Variants in SLC36A1 observed in about 807,000 individuals in gnomAD.
SLC36A1 encodes the protein solute carrier family 36 member 1.
Under a neutral mutation model 47.5 loss-of-function variants are expected in SLC36A1, and 30 were observed. That is an observed-to-expected ratio of 0.63 (90% CI 0.47 to 0.86). The LOEUF is 0.86. Ranked by LOEUF, SLC36A1 falls within the 40% of genes least tolerant of loss-of-function variation. The pLI is 0.00. For synonymous variants in SLC36A1, 255 were observed against 249.7 expected (o/e 1.02, Z -0.20); for missense variants, 517 against 606.0 (o/e 0.85, Z 1.54).
chr5:151,544,488 C>T, the SLC36A1 span: 1 of 1,614,002 alleles, frequency 6.2e-7, no homozygotes, highest in South Asian at 1.1e-5. Context: ...TGAACAGCAT[C>T]AAGGGTTCTT....
At chr5:151,535,158 A>G in the SLC36A1 span, among the ~76,000 whole-genome samples, 2 of 151,718 alleles carry the variant, frequency 1.3e-5, no homozygotes, top group Non-Finnish European at 2.9e-5. Context: ...GTAAAACACC[A>G]TGTGTGGTGT....
At chr5:151,546,076 G>A in the SLC36A1 span, 2 of 1,614,180 alleles carry the variant, frequency 1.2e-6, no homozygotes, top group Admixed American at 1.7e-5. Flanking sequence ...GGGGCTCATA[G>A]CAGAGACAAG....
chr5:151,452,095 C>G (rs531259151), intron 1 of SLC36A1, among the ~76,000 whole-genome samples: 1 of 152,120 alleles, frequency 6.6e-6, no homozygotes, highest in Non-Finnish European at 1.5e-5. Context: ...TAAAAGTGTG[C>G]GTGTTTGCCT....
the SLC36A1 span, chr5:151,537,798 T>C: frequency 1.9e-6 from 3 of 1,610,192 alleles, no homozygotes; most frequent in South Asian, 1.1e-5. Context: ...CCCACCTGTA[T>C]GAGGATCCAG....
At chr5:151,402,163 C>G in the SLC36A1 span, among the ~76,000 whole-genome samples, 1 of 152,136 alleles carries the variant, frequency 6.6e-6, no homozygotes, top group South Asian at 2.1e-4. Context: ...CATATTCCTC[C>G]GATGCCTAGT....
At chr5:151,412,266 TA>T in the SLC36A1 span, among the ~76,000 whole-genome samples, 1 of 144,856 alleles carries the variant, frequency 6.9e-6, no homozygotes, top group Middle Eastern at 3.3e-3. Flanking sequence ...AAATATTTCC[TA>T]TATAAACATG....
the SLC36A1 span, among the ~76,000 whole-genome samples, chr5:151,379,306 T>G: frequency 6.6e-6 from 1 of 152,218 alleles, no homozygotes. Flanking sequence ...TTTTCCTACT[T>G]TAATTGAAAT....
the SLC36A1 span, among the ~76,000 whole-genome samples, chr5:151,533,430 AC>A: frequency 6.8e-6 from 1 of 147,122 alleles, no homozygotes; most frequent in Non-Finnish European, 1.5e-5. Flanking sequence ...ACACACACAC[AC>A]ACACACGCTT....
At chr5:151,528,091 T>C in the SLC36A1 span, 1 of 1,614,136 alleles carries the variant, frequency 6.2e-7, no homozygotes, top group South Asian at 1.1e-5. Flanking sequence ...AGGCTATAGG[T>C]AATGTCACTA....
At chr5:151,356,689 C>G in the SLC36A1 span, among the ~76,000 whole-genome samples, 1 of 152,162 alleles carries the variant, frequency 6.6e-6, no homozygotes, top group Non-Finnish European at 1.5e-5. Context: ...TTCAAAAAAT[C>G]CCTCCACATT....
chr5:151,529,342 A>T, the SLC36A1 span: 20 of 1,613,994 alleles, frequency 1.2e-5, no homozygotes, highest in Non-Finnish European at 1.7e-5. Context: ...ATGGACAGGA[A>T]GTACTTGGGG....
At chr5:151,533,961 A>C in the SLC36A1 span, among the ~76,000 whole-genome samples, 1 of 152,160 alleles carries the variant, frequency 6.6e-6, no homozygotes, top group Non-Finnish European at 1.5e-5. Context: ...TAAAATGTAA[A>C]ATATTGAAAA....
chr5:151,473,627 A>G (rs748823856), intron 7 of SLC36A1, 46 bp from the exon 8 acceptor site: 5 of 1,217,990 alleles, frequency 4.1e-6, no homozygotes, highest in South Asian at 2.5e-5. Flanking sequence ...GAATTTCTGT[A>G]TAGCCTTTTG....
chr5:151,542,713 A>G, the SLC36A1 span: 1 of 1,614,228 alleles, frequency 6.2e-7, no homozygotes, highest in South Asian at 1.1e-5. Flanking sequence ...CTCAGTGAGG[A>G]CAGCCTTATA....
chr5:151,463,489 CACTG>C (rs1328723631), intron 2 of SLC36A1, 60 bp from the exon 3 acceptor site: 19 of 1,112,590 alleles, frequency 1.7e-5, no homozygotes, highest in Middle Eastern at 2.0e-4. Flanking sequence ...TGCATATAAG[CACTG>C]AGATCCTAAT....
the SLC36A1 span, among the ~76,000 whole-genome samples, chr5:151,376,931 C>T: frequency 2.0e-5 from 3 of 152,098 alleles, no homozygotes; most frequent in Non-Finnish European, 4.4e-5. Flanking sequence ...CCGCACCCGG[C>T]CAAAAAAATT....
At chr5:151,440,444 A>G (rs1423556107) in intron 1 of SLC36A1, among the ~76,000 whole-genome samples, 1 of 152,042 alleles carries the variant, frequency 6.6e-6, no homozygotes, top group Admixed American at 6.6e-5. Flanking sequence ...CAGTCACAGA[A>G]TGTTCAGGAG....
At chr5:151,453,181 G>A (rs868742750) in intron 1 of SLC36A1, among the ~76,000 whole-genome samples, 40 of 152,028 alleles carry the variant, frequency 2.6e-4, no homozygotes, top group African/African-American at 9.2e-4. Context: ...TCCAGCCTGG[G>A]CAACAAGAAT....
chr5:151,480,283 CT>C, intron 10 of SLC36A1: 8 of 430,372 alleles, frequency 1.9e-5, no homozygotes, highest in Admixed American at 4.1e-5. Context: ...CTCTATTTGG[CT>C]TTTTTTTCTC....
Sources: gnomAD v4.1 joint callset for allele counts (sites outside exome capture counted in the v4.1 genomes callset) on GRCh38, gnomAD v4.1.1 for gene constraint, MANE v1.5 for transcripts, NCBI Gene and HGNC (gene_info 2026-07-23, HGNC 2026-07-21) for gene names.